Variants in NLRP6 observed in about 807,000 individuals in gnomAD.
The protein encoded by NLRP6 is NACHT, LRR and PYD domains-containing protein 6.
A neutral mutation model predicts 70.9 loss-of-function variants in NLRP6; 55 were observed. The ratio of observed to expected loss-of-function variants is 0.78; its 90% CI spans 0.62 to 0.97. The LOEUF (loss-of-function observed/expected upper bound fraction) is 0.97. Among genes scored for constraint, NLRP6 ranks in the 50% least tolerant of loss-of-function variants. The probability of loss-of-function intolerance (pLI) is 0.00; values close to 1 mark genes in which losing one functional copy is unlikely to be tolerated. For missense variants in NLRP6, 1,241 were observed against 1,238.3 expected, an observed-to-expected ratio of 1.00 and a Z score of -0.03; for synonymous variants, 652 against 581.9, an observed-to-expected ratio of 1.12 and a Z score of -1.73.
chr11:284,563 G>A lies in NLRP6; in HGVS notation c.2458G>A (p.Gly820Ser), dbSNP rs150898666. The change falls in exon 7 of 8, where the codon GGC (glycine) becomes AGC (serine). Residue 820 changes from glycine to serine, a missense_variant. Transcript: ENST00000534750. ...TGCCCTGACCACCCTGGATCTCAGC[G>A]GCTGCCAACTGCCCGCCCCCATGGT... ...SPALTTLDLS[G>S]CQLPAPMVTY... 1,612 of 1,612,626 alleles carry A rather than the reference G, an allele frequency of 1.0e-3. 3 individuals carry two copies. Among genetic ancestry groups the A allele is most frequent in the Non-Finnish European group, 1.2e-3 (1,448 of 1,179,846 alleles).
rs769393670 is a variant in NLRP6, at chr11:281,107, C to A, written c.1373C>A (p.Ala458Glu). ...CGCGAGGGCGTCCTCGGACGCAGGG[C>A]GCAGTTTGCCGAGAAGGAACTGGAG... Reference protein sequence around the residue: ...LAREGVLGRRAQFAEKELEQL... With the variant: ...LAREGVLGRREQFAEKELEQL... Residue 458 changes from alanine to glutamate, a missense_variant, in exon 4 of 8, where the codon GCG (alanine) becomes GAG (glutamate). Coordinates refer to ENST00000534750, the MANE Select transcript of NLRP6 (RefSeq NM_001276700.2). The A allele has an allele frequency of 6.2e-7, 1 of 1,612,700 alleles. No individual in the cohort carries two copies. Among genetic ancestry groups the A allele is most frequent in the Non-Finnish European group, 8.5e-7 (1 of 1,179,730 alleles).
At position 285,131 on chromosome 11, in the gene NLRP6, C is replaced by A. The variant is rs373566123; in HGVS notation, c.2538-35C>A. ...CCAAGCCCTGGCTGCTTTCCCCCACCGCTGACCCCGCTTCTGCTCTGCGTG... is the reference window on the plus strand; with the variant it reads ...CCAAGCCCTGGCTGCTTTCCCCCACAGCTGACCCCGCTTCTGCTCTGCGTG... On this transcript the variant is annotated intron_variant, in intron 7 of 7. Coordinates refer to ENST00000534750, the MANE Select transcript of NLRP6 (RefSeq NM_001276700.2). The A allele has an allele frequency of 3.2e-6, 5 of 1,558,232 alleles. No homozygotes were observed. The East Asian group carries it at 7.2e-5, about 22-fold the overall frequency.
At chr11:283,358 G>A (rs1590271632) in intron 5 of NLRP6, among the ~76,000 whole-genome samples, 1 of 139,896 alleles carries the variant, frequency 7.1e-6, no homozygotes, top group South Asian at 2.2e-4. Flanking sequence ...CTGTCGCCCA[G>A]GCTGGAGTGC....
At chr11:282,321 C>T (rs960510716) in intron 4 of NLRP6, among the ~76,000 whole-genome samples, 3 of 152,192 alleles carry the variant, frequency 2.0e-5, no homozygotes, top group African/African-American at 2.4e-5. Context: ...ACCAGACCCT[C>T]GGCTCCTCCA....
In NLRP6 at chr11:280,268, C is replaced by T. The variant is rs1441975986; in HGVS notation, c.534C>T (p.Asp178=). The T allele has an allele frequency of 1.3e-6, 2 of 1,522,498 alleles. No homozygotes were observed. Among genetic ancestry groups the T allele is most frequent in the East Asian group, 2.5e-5 (1 of 39,998 alleles). The allele number at this position is 1,522,498 out of a possible 1,614,324, so 94.3% of individuals were successfully genotyped here. A position where few individuals can be genotyped will look rare whatever the true frequency, so the allele number is the denominator to read the frequency against. The change falls in exon 4 of 8, where the codon GAC becomes GAT. Residue 178 remains aspartate (D), a synonymous_variant. Transcript: ENST00000534750. ...AGCCGGGGCGCGCGCGGCGCTCGGA[C>T]ACGCACACTTTCAACCGCCTCTTCC... ...EPEPGRARRS[D]THTFNRLFRR...
Position 281,432 on chromosome 11 carries a change from G to A in NLRP6, c.1698G>A (p.Met566Ile), listed in dbSNP as rs1564832927. The change falls in exon 4 of 8, where the codon ATG (methionine) becomes ATA (isoleucine). Residue 566 changes from methionine to isoleucine, a missense_variant. Met to Ile is a conservative substitution (Grantham distance 10, BLOSUM62 1). Transcript: ENST00000534750. ...MRDIERHFGC[M>I]VSERVKQEAL... ...ACATCGAGCGCCACTTCGGCTGCAT[G>A]GTTTCAGAGCGTGTGAAGCAGGAGG... is the stretch of plus-strand genomic sequence containing the variant. 1.6e-5 allele frequency: 26 copies of A among 1,605,486 alleles called. No individual in the cohort carries two copies. The highest frequency in any genetic ancestry group is 4.5e-5 in the East Asian group (2 of 44,800).
chr11:284,122 A>G (rs1845518946), intron 5 of NLRP6, 108 bp from the exon 6 acceptor site: 2 of 967,890 alleles, frequency 2.1e-6, no homozygotes, highest in Non-Finnish European at 3.2e-6. Context: ...GCACCAACAC[A>G]TCTCTCAGCT....
In NLRP6 at chr11:281,212, T is replaced by C; in HGVS notation, c.1478T>C (p.Val493Ala). The C allele has an allele frequency of 1.2e-6, 2 of 1,613,150 alleles. No individual in the cohort carries two copies. The highest frequency in any genetic ancestry group is 1.1e-5 in the South Asian group (1 of 91,084). ...CTGCCGGGCGTGCTGGAGACAGAGG[T>C]CACCTACCAGTTCATCGACCAGAGC... Reference protein sequence around the residue: ...KELPGVLETEVTYQFIDQSFQ... With the variant: ...KELPGVLETEATYQFIDQSFQ... Residue 493 changes from valine (V) to alanine (A), a missense_variant, in exon 4 of 8, where the codon GTC (valine) becomes GCC (alanine). Transcript: ENST00000534750.
Position 279,827 on chromosome 11 carries a change from C to A in NLRP6, c.311-7C>A. 7 of 1,581,736 alleles carry A rather than the reference C, an allele frequency of 4.4e-6. No homozygotes were observed. The highest frequency in any genetic ancestry group is 5.1e-6 in the Non-Finnish European group (6 of 1,167,332). On this transcript the variant is annotated splice_polypyrimidine_tract_variant and splice_region_variant and intron_variant, in intron 2 of 7. Coordinates refer to ENST00000534750, the MANE Select transcript of NLRP6 (RefSeq NM_001276700.2). ...TCGGCGGAACCTCACCCCAGTTTCC[C>A]TTCCAGGGCTCGGGCTCGGCTCCGG...
rs1401850486 is a variant in NLRP6 at position 278,847 on chromosome 11, G to A, written c.29+249G>A. ...CTGGGCCCCACCAAAGTGTGGCAGG[G>A]GTGGGGGCCCAGGAATACAGCCTGG... On this transcript the variant is annotated intron_variant, in intron 1 of 7. Transcript: ENST00000534750. This position sits in a 1 kb window ranked among gnomAD's most constrained non-coding sequence, Gnocchi z 4.7. 1.3e-5 allele frequency among the ~76,000 whole-genome samples: 2 copies of A among 152,206 alleles called. No homozygotes were observed. The highest frequency in any genetic ancestry group is 2.9e-5 in the Non-Finnish European group (2 of 68,018).
intron 7 of NLRP6, 109 bp downstream of exon 7, chr11:284,751 C>T (rs1590273605): frequency 1.9e-6 from 2 of 1,053,996 alleles, no homozygotes; most frequent in Non-Finnish European, 1.4e-6. Context: ...CTCCCAGAGA[C>T]CTCCCATGTG....
chr11:281,515 C>A lies in NLRP6; in HGVS notation c.1781C>A (p.Thr594Asn). The A allele has an allele frequency of 6.2e-7, 1 of 1,605,864 alleles. No individual in the cohort carries two copies. Among genetic ancestry groups the A allele is most frequent in the South Asian group, 1.1e-5 (1 of 89,950 alleles). Reference sequence around the variant, plus strand: ...TGCCCCGGAGTGGCACCAGAGGTGACCGAGGGGGCCAAAGGGCTCGAGGAC... The same window carrying A: ...TGCCCCGGAGTGGCACCAGAGGTGAACGAGGGGGCCAAAGGGCTCGAGGAC... ...QGCPGVAPEV[T>N]EGAKGLEDTE... is the part of the protein sequence containing the mutation. Residue 594 changes from threonine to asparagine, a missense_variant, in exon 4 of 8, where the codon ACC (threonine) becomes AAC (asparagine). Thr to Asn is a moderately conservative substitution (Grantham distance 65). Transcript: ENST00000534750.
At position 279,830 on chromosome 11, in the gene NLRP6, C is replaced by T. The variant is rs1316912894; in HGVS notation, c.311-4C>T. 6.3e-7 allele frequency: 1 copy of T among 1,581,534 alleles called. No homozygotes were observed. On this transcript the variant is annotated splice_polypyrimidine_tract_variant and splice_region_variant and intron_variant, in intron 2 of 7. Transcript: ENST00000534750. The stretch of plus-strand genomic sequence containing the variant: ...GCGGAACCTCACCCCAGTTTCCCTT[C>T]CAGGGCTCGGGCTCGGCTCCGGGAC...
chr11:283,516 G>T (rs1033869994), intron 5 of NLRP6, among the ~76,000 whole-genome samples: 4 of 151,840 alleles, frequency 2.6e-5, no homozygotes, highest in African/African-American at 7.3e-5. Flanking sequence ...GGTTTCACCG[G>T]GTTAGCCAGG....
rs1328411787 is a variant in NLRP6 at position 281,324 on chromosome 11, G to C, written c.1590G>C (p.Leu530=). The C allele has an allele frequency of 5.6e-6, 9 of 1,610,118 alleles. No individual in the cohort carries two copies. The highest frequency in any genetic ancestry group is 5.9e-6 in the Non-Finnish European group (7 of 1,178,762). ...RTAAGGVGTL[L]RGDAQPHSHL... Reference sequence around the variant, plus strand: ...CGGCTGGCGGCGTTGGGACACTCCTGCGTGGGGACGCCCAGCCGCACAGCC... The same window carrying C: ...CGGCTGGCGGCGTTGGGACACTCCTCCGTGGGGACGCCCAGCCGCACAGCC... Residue 530 remains leucine, a synonymous_variant, in exon 4 of 8, where the codon CTG becomes CTC. Coordinates refer to ENST00000534750, the MANE Select transcript of NLRP6 (RefSeq NM_001276700.2).
chr11:279,275 CG>C (rs1403052521), intron 1 of NLRP6, 51 bp from the exon 2 acceptor site: 23 of 913,998 alleles, frequency 2.5e-5, no homozygotes, highest in Admixed American at 4.8e-5. Flanking sequence ...CGGGGGCGGG[CG>C]GGGGTCACCC....
At position 279,879 on chromosome 11, in the gene NLRP6, C is replaced by A; in HGVS notation, c.349+7C>A. 1 of 1,536,584 alleles carries A rather than the reference C, an allele frequency of 6.5e-7. No homozygotes were observed. The highest frequency in any genetic ancestry group is 8.7e-7 in the Non-Finnish European group (1 of 1,145,412). On this transcript the variant is annotated splice_region_variant and intron_variant, in intron 3 of 7. Coordinates refer to ENST00000534750, the MANE Select transcript of NLRP6 (RefSeq NM_001276700.2). ...ACGCTGCTCTCCGTGTCCGGTGGGTCTCTCGCTGGGGGGGCACGAGTGTCC... is the reference window on the plus strand; with the variant it reads ...ACGCTGCTCTCCGTGTCCGGTGGGTATCTCGCTGGGGGGGCACGAGTGTCC...
chr11:279,780 G>T, intron 2 of NLRP6, 54 bp from the exon 3 acceptor site: 1 of 1,553,960 alleles, frequency 6.4e-7, no homozygotes, highest in Admixed American at 1.9e-5. Flanking sequence ...GACCCCCGTG[G>T]CGCCTTCCCC....
chr11:284,406 G>A lies in NLRP6; in HGVS notation c.2369+6G>A, dbSNP rs776108558. 1.9e-6 allele frequency: 3 copies of A among 1,598,690 alleles called. No homozygotes were observed. Among genetic ancestry groups the A allele is most frequent in the South Asian group, 1.1e-5 (1 of 90,730 alleles). ...TGCAGGGTGCAGACGGTCAGGTGAG[G>A]CCTGGCCTGGGAGGGACCGTGGGAT... On this transcript the variant is annotated splice_donor_region_variant and intron_variant, in intron 6 of 7. Coordinates refer to ENST00000534750, the MANE Select transcript of NLRP6 (RefSeq NM_001276700.2).
Sources: allele counts gnomAD v4.1 joint callset (sites outside exome capture counted in the v4.1 genomes callset), GRCh38; gene constraint gnomAD v4.1.1; non-coding constraint Gnocchi (gnomAD v3.1); transcripts MANE v1.5; gene names NCBI Gene and HGNC (gene_info 2026-07-23, HGNC 2026-07-21).